SUPT3H: variants seen among roughly 807,000 people sequenced by gnomAD.
The protein encoded by SUPT3H is SPT3 homolog, SAGA and STAGA complex component.
SUPT3H carries 44 observed loss-of-function variants against 44.3 expected under a neutral mutation model. That is an observed-to-expected ratio of 0.99 (90% CI 0.78 to 1.28). SUPT3H has a LOEUF of 1.28. Among genes scored for constraint, SUPT3H ranks in the 50% most tolerant of loss-of-function variants. The pLI is 0.00. For missense variants in SUPT3H, 380 were observed against 387.1 expected (o/e 0.98, Z 0.15); for synonymous variants, 124 against 125.6 (o/e 0.99, Z 0.09).
chr6:44,976,471 C>G (rs1778357841), intron 6 of SUPT3H, among the ~76,000 whole-genome samples: 1 of 151,932 alleles, frequency 6.6e-6, no homozygotes, highest in African/African-American at 2.4e-5. Context: ...GAGAGATTCT[C>G]CTGCCTCAGC....
chr6:44,992,241 CTG>C (rs1780706258), intron 6 of SUPT3H, among the ~76,000 whole-genome samples: 1 of 152,092 alleles, frequency 6.6e-6, no homozygotes, highest in Admixed American at 6.5e-5. Context: ...AAAGAACAAA[CTG>C]AAATTACTTG....
At chr6:44,881,245 T>TC (rs530011299) in intron 10 of SUPT3H, among the ~76,000 whole-genome samples, 4,998 of 152,158 alleles carry the variant, frequency 0.033, 114 homozygotes, top group Non-Finnish European at 0.05. Flanking sequence ...GCAATCCTAG[T>TC]TTGATAAAAC....
chr6:45,222,400 T>C (rs72857066), intron 2 of SUPT3H, among the ~76,000 whole-genome samples: 2,216 of 152,264 alleles, frequency 0.015, 26 homozygotes, highest in South Asian at 0.029. Context: ...GGACATTTCA[T>C]GGAAGATGAC....
intron 2 of SUPT3H, among the ~76,000 whole-genome samples, chr6:45,165,455 C>T (rs751982104): frequency 6.6e-6 from 1 of 151,886 alleles, no homozygotes; most frequent in Non-Finnish European, 1.5e-5. Context: ...CCAGCATTTC[C>T]AAATAAAAAA....
chr6:44,948,693 A>G (rs577771326), intron 9 of SUPT3H, among the ~76,000 whole-genome samples: 1 of 152,306 alleles, frequency 6.6e-6, no homozygotes, highest in African/African-American at 2.4e-5. Flanking sequence ...ACAATGAGAT[A>G]CCATCTCACA....
At chr6:45,034,315 C>A (rs970850364) in intron 3 of SUPT3H, among the ~76,000 whole-genome samples, 89 of 151,904 alleles carry the variant, frequency 5.9e-4, no homozygotes, top group African/African-American at 2.1e-3. Flanking sequence ...AGTCCCCTCC[C>A]ACAGGCCAAA....
At position 45,003,649 on chromosome 6, in the gene SUPT3H, A is replaced by G. The variant is rs569521536; in HGVS notation, c.504+4T>C. 6.2e-7 allele frequency: 1 copy of G among 1,612,970 alleles called. No homozygotes were observed. Reference sequence around the variant, plus strand: ...TTCTGTAAAAAGGGAAGAATGTACTATACCTCCATTCTTTCTTGTTTAACT... The same window carrying G: ...TTCTGTAAAAAGGGAAGAATGTACTGTACCTCCATTCTTTCTTGTTTAACT... On this transcript the variant is annotated splice_donor_region_variant and intron_variant, in intron 6 of 10. Transcript: ENST00000371459.
chr6:45,325,739 T>C (rs1786238389), intron 2 of SUPT3H, among the ~76,000 whole-genome samples: 1 of 151,888 alleles, frequency 6.6e-6, no homozygotes, highest in Non-Finnish European at 1.5e-5. Context: ...TTGACTTTTC[T>C]AAATCAGTAT....
At chr6:45,109,742 C>A (rs959485212) in intron 2 of SUPT3H, among the ~76,000 whole-genome samples, 1 of 152,160 alleles carries the variant, frequency 6.6e-6, no homozygotes, top group Admixed American at 6.5e-5. Context: ...CTGTACCTGG[C>A]CACAGTCACT....
At chr6:44,834,981 T>C (rs9463046) in intron 10 of SUPT3H, among the ~76,000 whole-genome samples, 13,238 of 152,118 alleles carry the variant, frequency 0.087, 956 homozygotes, top group African/African-American at 0.19. Flanking sequence ...CCTTGGGCTT[T>C]TCTGCTTTAT....
intron 2 of SUPT3H, among the ~76,000 whole-genome samples, chr6:45,197,497 G>C (rs999935128): frequency 2.0e-5 from 3 of 151,088 alleles, no homozygotes; most frequent in African/African-American, 7.3e-5. Flanking sequence ...TATGCTATTT[G>C]GTTGGATGAA....
intron 3 of SUPT3H, among the ~76,000 whole-genome samples, chr6:45,072,251 C>T (rs1463729360): frequency 1.3e-5 from 2 of 152,072 alleles, no homozygotes; most frequent in African/African-American, 4.8e-5. Flanking sequence ...TTCATCAAAC[C>T]TCTAACACCA....
chr6:44,851,661 C>T (rs1772903822), intron 10 of SUPT3H, among the ~76,000 whole-genome samples: 1 of 152,118 alleles, frequency 6.6e-6, no homozygotes, highest in South Asian at 2.1e-4. Context: ...CTTCTAGTTC[C>T]TTAAAACAAA....
chr6:45,317,678 A>C (rs1211383859), intron 2 of SUPT3H, among the ~76,000 whole-genome samples: 2 of 152,160 alleles, frequency 1.3e-5, no homozygotes, highest in Non-Finnish European at 2.9e-5. Context: ...AACAACATAC[A>C]CAAAAATCAA....
chr6:45,157,694 G>A (rs532203067), intron 2 of SUPT3H, among the ~76,000 whole-genome samples: 6 of 151,696 alleles, frequency 4.0e-5, no homozygotes, highest in Non-Finnish European at 7.4e-5. Context: ...GATTACAGGC[G>A]CGCACCACCA....
At chr6:45,221,343 A>C (rs547057603) in intron 2 of SUPT3H, among the ~76,000 whole-genome samples, 9 of 152,236 alleles carry the variant, frequency 5.9e-5, no homozygotes, top group Non-Finnish European at 1.0e-4. Flanking sequence ...CACGTTGTGC[A>C]CATGTACCCT....
At chr6:44,978,369 C>CA (rs1439885467) in intron 6 of SUPT3H, among the ~76,000 whole-genome samples, 1 of 152,112 alleles carries the variant, frequency 6.6e-6, no homozygotes, top group Non-Finnish European at 1.5e-5. Context: ...AGGTTAGTAA[C>CA]ATACCTTGGA....
chr6:45,078,637 G>T (rs1477469651), intron 3 of SUPT3H, among the ~76,000 whole-genome samples: 1 of 152,180 alleles, frequency 6.6e-6, no homozygotes, highest in Non-Finnish European at 1.5e-5. Context: ...CTCTGGGAAG[G>T]TCTCTTTTTC....
intron 2 of SUPT3H, among the ~76,000 whole-genome samples, chr6:45,120,813 T>G (rs929248326): frequency 1.3e-5 from 2 of 152,196 alleles, no homozygotes; most frequent in African/African-American, 4.8e-5. Flanking sequence ...AACTCCATAG[T>G]GTCTTTATGC....
Sources: gnomAD v4.1 joint callset for allele counts (sites outside exome capture counted in the v4.1 genomes callset) on GRCh38, gnomAD v4.1.1 for gene constraint, MANE v1.5 for transcripts, NCBI Gene and HGNC (gene_info 2026-07-23, HGNC 2026-07-21) for gene names.